CACNB4: variants seen among roughly 807,000 people sequenced by gnomAD.
CACNB4 encodes the protein calcium voltage-gated channel auxiliary subunit beta 4.
In CACNB4, 32 loss-of-function variants were observed where a neutral mutation model predicts 71.2. The ratio of observed to expected loss-of-function variants is 0.45; its 90% CI spans 0.34 to 0.60. The LOEUF (loss-of-function observed/expected upper bound fraction) is 0.60. Ranked by LOEUF, CACNB4 falls within the 20% of genes least tolerant of loss-of-function variation. The pLI is 0.01. For synonymous variants in CACNB4, 231 were observed against 236.9 expected (o/e 0.97, Z 0.23); for missense variants, 464 against 647.9 (o/e 0.72, Z 3.08).
chr2:152,052,907 G>A (rs933766137), intron 2 of CACNB4, among the ~76,000 whole-genome samples: 3 of 151,850 alleles, frequency 2.0e-5, no homozygotes, highest in African/African-American at 4.8e-5. Context: ...GCTTGAACCC[G>A]GGAGATGGAG....
chr2:151,888,848 C>T (rs951868362), intron 2 of CACNB4, among the ~76,000 whole-genome samples: 2 of 152,056 alleles, frequency 1.3e-5, no homozygotes, highest in Non-Finnish European at 2.9e-5. Flanking sequence ...ACATAGTGTA[C>T]AAGAGTAATG....
At chr2:151,902,032 C>CT (rs70974804) in intron 2 of CACNB4, among the ~76,000 whole-genome samples, 24,953 of 128,102 alleles carry the variant, frequency 0.19, 2,944 homozygotes, top group Middle Eastern at 0.25. Flanking sequence ...ACAACATCAC[C>CT]TTTTTTTTTT....
intron 2 of CACNB4, among the ~76,000 whole-genome samples, chr2:151,943,043 C>G (rs1338220924): frequency 6.6e-6 from 1 of 152,074 alleles, no homozygotes; most frequent in Non-Finnish European, 1.5e-5. Context: ...GCTTTTTGCC[C>G]TTTGAAGCAT....
At chr2:151,914,669 T>TGTTGTTGATGATGC (rs2099857021) in intron 2 of CACNB4, among the ~76,000 whole-genome samples, 2 of 152,190 alleles carry the variant, frequency 1.3e-5, no homozygotes, top group African/African-American at 4.8e-5. Flanking sequence ...GGCCTTTTGT[T>TGTTGTTGATGATGC]GTTGTTGATG....
At chr2:151,987,820 A>C (rs1295663170) in intron 2 of CACNB4, among the ~76,000 whole-genome samples, 1 of 152,196 alleles carries the variant, frequency 6.6e-6, no homozygotes, top group East Asian at 1.9e-4. Context: ...CACCAATTTA[A>C]ATGTCTTCCC....
At chr2:151,906,488 A>G (rs2099854851) in intron 2 of CACNB4, among the ~76,000 whole-genome samples, 3 of 152,184 alleles carry the variant, frequency 2.0e-5, no homozygotes, top group Admixed American at 2.0e-4. Context: ...CAGTTACTCT[A>G]TCTATGAAGC....
At chr2:152,036,022 T>C (rs1191816347) in intron 2 of CACNB4, among the ~76,000 whole-genome samples, 1 of 152,106 alleles carries the variant, frequency 6.6e-6, no homozygotes, top group Non-Finnish European at 1.5e-5. Flanking sequence ...ATATGTAACG[T>C]GGATGAAACT....
intron 2 of CACNB4, among the ~76,000 whole-genome samples, chr2:151,982,620 G>A (rs570440538): frequency 2.4e-4 from 33 of 139,604 alleles, no homozygotes; most frequent in Admixed American, 2.1e-3. Flanking sequence ...ACGACAGAGC[G>A]AGACTCCGTC....
chr2:152,061,308 T>C (rs1433909549), intron 2 of CACNB4, among the ~76,000 whole-genome samples: 1 of 152,040 alleles, frequency 6.6e-6, no homozygotes, highest in African/African-American at 2.4e-5. Context: ...CAAGATCCTG[T>C]CTCTAAAAAA....
rs747625131 is a variant in CACNB4, at chr2:152,098,654, A to G, written c.64-241T>C. The stretch of plus-strand genomic sequence containing the variant: ...GCAAGCACCCACCACATCCATTAAC[A>G]AAGACTCTCAGGGTGCGGGGTCCGA... On this transcript the variant is annotated intron_variant, in intron 1 of 13. Transcript: ENST00000539935. The surrounding 1 kb of genome is among the most constrained non-coding windows in gnomAD (Gnocchi z 5.3). The G allele has an allele frequency of 5.1e-6, 8 of 1,571,998 alleles. No homozygotes were observed. In the Admixed American group the frequency reaches 9.2e-5, roughly 18 times the overall value.
At chr2:151,929,643 G>A (rs1048007261) in intron 2 of CACNB4, among the ~76,000 whole-genome samples, 3 of 152,220 alleles carry the variant, frequency 2.0e-5, no homozygotes, top group African/African-American at 7.2e-5. Context: ...GTATACCTGG[G>A]AATTCCAAGA....
intron 2 of CACNB4, among the ~76,000 whole-genome samples, chr2:152,072,351 C>T (rs1024641946): frequency 6.6e-6 from 1 of 152,174 alleles, no homozygotes; most frequent in Admixed American, 6.5e-5. Context: ...CTTGAGAGAT[C>T]CAACGTGGCT....
intron 12 of CACNB4, 122 bp downstream of exon 12, chr2:151,853,324 CTT>C: frequency 1.7e-6 from 1 of 595,238 alleles, no homozygotes; most frequent in South Asian, 2.3e-5. Flanking sequence ...TCCAAGAAAT[CTT>C]TTAGATGACA....
At chr2:152,066,064 T>C (rs575130051) in intron 2 of CACNB4, among the ~76,000 whole-genome samples, 1 of 152,310 alleles carries the variant, frequency 6.6e-6, no homozygotes, top group East Asian at 1.9e-4. Context: ...ATAAAGCCTA[T>C]ACAGGAAGCC....
chr2:152,084,614 G>A (rs956978941), intron 2 of CACNB4, among the ~76,000 whole-genome samples: 1 of 151,994 alleles, frequency 6.6e-6, no homozygotes. Flanking sequence ...TGCTTCCTTT[G>A]TTTTTTGTTC....
intron 3 of CACNB4, among the ~76,000 whole-genome samples, chr2:151,881,380 A>G (rs1259495407): frequency 1.3e-5 from 2 of 152,226 alleles, no homozygotes; most frequent in Admixed American, 6.5e-5. Context: ...GTGGGATTCT[A>G]TACAACAGAA....
At chr2:151,963,683 G>A (rs10179918) in intron 2 of CACNB4, among the ~76,000 whole-genome samples, 3,127 of 152,168 alleles carry the variant, frequency 0.021, 102 homozygotes, top group African/African-American at 0.071. Context: ...ATATATATAC[G>A]TCTTAAAATG....
chr2:152,001,470 C>T (rs980616500), intron 2 of CACNB4, among the ~76,000 whole-genome samples: 3 of 136,270 alleles, frequency 2.2e-5, no homozygotes, highest in African/African-American at 8.4e-5. Flanking sequence ...AGGTGGATCA[C>T]CTGAGGTCAG....
chr2:151,985,186 A>G (rs12618120), intron 2 of CACNB4, among the ~76,000 whole-genome samples: 90,423 of 152,052 alleles, frequency 0.59, 28,166 homozygotes, highest in South Asian at 0.75. Context: ...AAATATGATT[A>G]CTGTTAATAT....
Sources: allele counts gnomAD v4.1 joint callset (sites outside exome capture counted in the v4.1 genomes callset), GRCh38; gene constraint gnomAD v4.1.1; non-coding constraint Gnocchi (gnomAD v3.1); transcripts MANE v1.5; gene names NCBI Gene and HGNC (gene_info 2026-07-23, HGNC 2026-07-21).